GPC5: variants seen among roughly 807,000 people sequenced by gnomAD.
GPC5 encodes glypican 5.
In GPC5, 47 loss-of-function variants were observed where a neutral mutation model predicts 53.9. The observed-to-expected ratio is 0.87, with a 90% CI of 0.69 to 1.11. The LOEUF is 1.11. Among genes scored for constraint, GPC5 ranks in the 50% most tolerant of loss-of-function variants. The probability of loss-of-function intolerance (pLI) is 0.00; values close to 1 mark genes in which losing one functional copy is unlikely to be tolerated. For missense variants in GPC5, 748 were observed against 713.1 expected, an observed-to-expected ratio of 1.05 and a Z score of -0.56; for synonymous variants, 286 against 263.3, an observed-to-expected ratio of 1.09 and a Z score of -0.84.
chr13:92,449,956 T>A (rs1360941314), intron 7 of GPC5, among the ~76,000 whole-genome samples: 3 of 152,070 alleles, frequency 2.0e-5, no homozygotes, highest in Non-Finnish European at 4.4e-5. Flanking sequence ...TTAAAAAAAA[T>A]CTTAAGTATA....
Position 91,977,959 on chromosome 13 carries a change from G to A in GPC5, c.1401+69902G>A, listed in dbSNP as rs200960413. Among the ~76,000 whole-genome samples the A allele has an allele frequency of 5.2e-4, 15 of 28,772 alleles. 1 individual carries two copies. The highest frequency in any genetic ancestry group is 1.7e-3 in the African/African-American group (11 of 6,536). 18.9% of individuals were successfully genotyped at this position (28,772 alleles called of 152,430 possible). On this transcript the variant is annotated intron_variant, in intron 6 of 7. Coordinates refer to ENST00000377067, the MANE Select transcript of GPC5 (RefSeq NM_004466.6). ...AGACCGCCATCTCTAAAAGAAAAAA[G>A]AAAGAAAGAAAGAAAGAAAGAAAGA...
chr13:91,834,084 T>A (rs2038694970), intron 5 of GPC5, among the ~76,000 whole-genome samples: 1 of 152,094 alleles, frequency 6.6e-6, no homozygotes, highest in African/African-American at 2.4e-5. Context: ...TTCAGAAGCA[T>A]TCCTATACAC....
At chr13:92,227,763 T>A (rs879788413) in intron 7 of GPC5, among the ~76,000 whole-genome samples, 7 of 152,148 alleles carry the variant, frequency 4.6e-5, no homozygotes, top group Non-Finnish European at 8.8e-5. Flanking sequence ...TAATTTTTAA[T>A]GCTTGTGGCT....
chr13:91,401,558 C>T (rs1387146300), intron 1 of GPC5, among the ~76,000 whole-genome samples: 1 of 152,098 alleles, frequency 6.6e-6, no homozygotes, highest in African/African-American at 2.4e-5. Context: ...CTAAAACAAA[C>T]ACATTTAATT....
intron 5 of GPC5, among the ~76,000 whole-genome samples, chr13:91,802,783 G>A (rs375122360): frequency 7.2e-5 from 11 of 152,066 alleles, no homozygotes; most frequent in African/African-American, 2.4e-4. Context: ...CCTTGGACTC[G>A]CAATCAAAAG....
At chr13:92,385,962 A>G (rs1281567696) in intron 7 of GPC5, among the ~76,000 whole-genome samples, 1 of 151,636 alleles carries the variant, frequency 6.6e-6, no homozygotes, top group East Asian at 1.9e-4. Flanking sequence ...TATACCCCAT[A>G]AAACAATCCT....
intron 7 of GPC5, among the ~76,000 whole-genome samples, chr13:92,785,105 G>A (rs1876169525): frequency 6.6e-6 from 1 of 151,978 alleles, no homozygotes; most frequent in Non-Finnish European, 1.5e-5. Flanking sequence ...ATGAAACCCT[G>A]TCTCTACTTT....
intron 6 of GPC5, among the ~76,000 whole-genome samples, chr13:91,975,883 A>G (rs1475649221): frequency 6.6e-6 from 1 of 152,240 alleles, no homozygotes; most frequent in African/African-American, 2.4e-5. Context: ...AATGCCCAAC[A>G]ATGATAGACT....
chr13:91,473,390 A>C (rs1882750454), intron 2 of GPC5, among the ~76,000 whole-genome samples: 1 of 152,184 alleles, frequency 6.6e-6, no homozygotes, highest in South Asian at 2.1e-4. Flanking sequence ...AGTATAGTTC[A>C]ATCAATGGAA....
At chr13:92,610,477 C>T (rs1884398427) in intron 7 of GPC5, among the ~76,000 whole-genome samples, 1 of 152,138 alleles carries the variant, frequency 6.6e-6, no homozygotes, top group African/African-American at 2.4e-5. Flanking sequence ...TATAGTACCT[C>T]AATTTCTTTA....
intron 7 of GPC5, among the ~76,000 whole-genome samples, chr13:92,749,893 A>G (rs1889336809): frequency 6.6e-6 from 1 of 152,156 alleles, no homozygotes; most frequent in South Asian, 2.1e-4. Flanking sequence ...TAGAGGGCAA[A>G]CTTCTCTGCA....
chr13:91,537,292 T>C (rs1886637575), intron 2 of GPC5, among the ~76,000 whole-genome samples: 1 of 151,974 alleles, frequency 6.6e-6, no homozygotes, highest in Admixed American at 6.6e-5. Context: ...AACTTTTAGA[T>C]AGACTGAACA....
chr13:92,560,344 A>G (rs1046636860), intron 7 of GPC5, among the ~76,000 whole-genome samples: 1 of 152,068 alleles, frequency 6.6e-6, no homozygotes, highest in African/African-American at 2.4e-5. Flanking sequence ...TTAGCCTACA[A>G]GGTCTGCGAC....
intron 6 of GPC5, among the ~76,000 whole-genome samples, chr13:92,010,982 G>A (rs1013047961): frequency 1.3e-5 from 2 of 152,140 alleles, no homozygotes; most frequent in African/African-American, 4.8e-5. Context: ...TAGATTTTCT[G>A]GAAGGAGGTA....
intron 6 of GPC5, among the ~76,000 whole-genome samples, chr13:91,983,420 T>C (rs1192874818): frequency 2.0e-5 from 3 of 152,028 alleles, no homozygotes; most frequent in African/African-American, 7.2e-5. Context: ...AAGAGCTTCC[T>C]GGTCAAGTAA....
intron 7 of GPC5, among the ~76,000 whole-genome samples, chr13:92,599,860 C>T (rs1459176938): frequency 6.6e-6 from 1 of 151,968 alleles, no homozygotes; most frequent in Non-Finnish European, 1.5e-5. Context: ...ACAAAATTTG[C>T]CCTTTTAGCC....
chr13:92,587,464 T>C (rs909809008), intron 7 of GPC5, among the ~76,000 whole-genome samples: 5 of 152,022 alleles, frequency 3.3e-5, no homozygotes, highest in Admixed American at 3.3e-4. Flanking sequence ...GTCTCCAAAG[T>C]GAGGATGGTT....
intron 2 of GPC5, among the ~76,000 whole-genome samples, chr13:91,538,980 A>G (rs1886725164): frequency 6.6e-6 from 1 of 152,190 alleles, no homozygotes; most frequent in African/African-American, 2.4e-5. Context: ...GATATTAATC[A>G]TTAAAAATAC....
At position 92,404,967 on chromosome 13, in the gene GPC5, A is replaced by G. The variant is rs528698617; in HGVS notation, c.1561+259978A>G. 1.8e-4 allele frequency among the ~76,000 whole-genome samples: 27 copies of G among 150,556 alleles called. 2 individuals carry two copies. Among genetic ancestry groups the G allele is most frequent in the African/African-American group, 6.6e-4 (27 of 40,834 alleles). On this transcript the variant is annotated intron_variant, in intron 7 of 7. Coordinates refer to ENST00000377067, the MANE Select transcript of GPC5 (RefSeq NM_004466.6). ...TGGGAGTTTAAGCAAAACAATGTAT[A>G]AGGAAACCGATCTTGCCATAGGCAA...
Sources: gnomAD v4.1 joint callset for allele counts (sites outside exome capture counted in the v4.1 genomes callset) on GRCh38, gnomAD v4.1.1 for gene constraint, MANE v1.5 for transcripts, NCBI Gene and HGNC (gene_info 2026-07-23, HGNC 2026-07-21) for gene names.